Variants in ITIH5 observed in about 807,000 individuals in gnomAD.
The protein encoded by ITIH5 is inter-alpha-trypsin inhibitor heavy chain H5.
A neutral mutation model predicts 77.5 loss-of-function variants in ITIH5; 65 were observed. The ratio of observed to expected loss-of-function variants is 0.84; its 90% confidence interval spans 0.69 to 1.03. The LOEUF is 1.03. ITIH5 is among the 50% of genes least tolerant of loss of function. The pLI, the probability that ITIH5 is intolerant of heterozygous loss-of-function variation, is 0.00. For synonymous variants in ITIH5, 525 were observed against 494.3 expected (o/e 1.06, Z -0.82); for missense variants, 1,208 against 1,213.1 (o/e 1.00, Z 0.06).
chr10:7,665,636 G>A (rs1394001994), intron 1 of ITIH5, among the ~76,000 whole-genome samples: 1 of 152,174 alleles, frequency 6.6e-6, no homozygotes, highest in East Asian at 1.9e-4. Context: ...CTGTATACCA[G>A]GTGCTTAACA....
In ITIH5 at chr10:7,597,816, A is replaced by AT. The variant is rs546793512; in HGVS notation, c.940-11748dup. ...AAAAACTTATTCTATAAAAGGTAAT[A>AT]TAAACTTATGTTACATTCTGCAGGT... On this transcript the variant is annotated intron_variant, in intron 7 of 13. Coordinates refer to ENST00000397146, the MANE Select transcript of ITIH5 (RefSeq NM_030569.7). Among the ~76,000 whole-genome samples the AT allele has an allele frequency of 2.6e-4, 39 of 152,368 alleles. No individual in the cohort carries two copies. The South Asian group carries it at 7.2e-3, about 28-fold the overall frequency.
intron 5 of ITIH5, chr10:7,618,591 A>G (rs1393988287): frequency 6.6e-6 from 1 of 152,218 alleles, no homozygotes; most frequent in East Asian, 1.9e-4. Flanking sequence ...ATTCTTAATC[A>G]TAAGGGCATG....
Position 7,582,983 on chromosome 10 carries a change from T to C in ITIH5, c.1108+2918A>G, listed in dbSNP as rs1049426050. Among the ~76,000 whole-genome samples the C allele has an allele frequency of 2.0e-5, 3 of 152,212 alleles. No homozygotes were observed. The East Asian group carries it at 5.8e-4, about 29-fold the overall frequency. On this transcript the variant is annotated intron_variant, in intron 8 of 13. Coordinates refer to ENST00000397146, the MANE Select transcript of ITIH5 (RefSeq NM_030569.7). The stretch of plus-strand genomic sequence containing the variant: ...ATTTCATGATACACTTAAAAATAAC[T>C]GAGTATAATTGGATTGTTTGTAACA...
At chr10:7,576,193 A>T (rs960322222) in intron 10 of ITIH5, among the ~76,000 whole-genome samples, 3 of 150,670 alleles carry the variant, frequency 2.0e-5, no homozygotes, top group Admixed American at 6.6e-5. Context: ...TAGATAATTA[A>T]TTTTTTTTTC....
chr10:7,570,004 C>T (rs1216523326), intron 11 of ITIH5: 1 of 450,970 alleles, frequency 2.2e-6, no homozygotes, highest in Non-Finnish European at 3.9e-6. Flanking sequence ...GACTTCAGGT[C>T]TTCTAAATTC....
intron 5 of ITIH5, among the ~76,000 whole-genome samples, chr10:7,634,088 C>CAAAA (rs752092484): frequency 0.2 from 12,090 of 59,768 alleles, 1,093 homozygotes; most frequent in Non-Finnish European, 0.28. Context: ...GACTCCGTCT[C>CAAAA]AAAAAAAAAA....
chr10:7,642,126 G>C (rs767289412), intron 2 of ITIH5, 36 bp from the exon 3 acceptor site: 4 of 1,537,352 alleles, frequency 2.6e-6, no homozygotes, highest in Non-Finnish European at 3.5e-6. Context: ...CATCGGTGAT[G>C]CATGAAAGCA....
At chr10:7,593,258 C>T (rs562263981) in intron 7 of ITIH5, among the ~76,000 whole-genome samples, 8 of 152,020 alleles carry the variant, frequency 5.3e-5, no homozygotes, top group Admixed American at 6.5e-5. Flanking sequence ...AGGCACCTCC[C>T]GGTGGCTCCA....
At position 7,576,693 on chromosome 10, in the gene ITIH5, G is replaced by A; in HGVS notation, c.1738C>T (p.Leu580Phe). The change falls in exon 10 of 14, where the codon CTC (leucine) becomes TTC (phenylalanine). Residue 580 changes from leucine to phenylalanine, a missense_variant. Leu to Phe is a conservative substitution (Grantham distance 22). Coordinates refer to ENST00000397146, the MANE Select transcript of ITIH5 (RefSeq NM_030569.7). ...GAGCTCAGCAGCTCCTTTGTGGTGA[G>A]GTAGCTCCAGAGACGCTCGATGTGG... ...TNHIERLWSY[L>F]TTKELLSSWL... The A allele has an allele frequency of 6.2e-7, 1 of 1,614,152 alleles. No individual in the cohort carries two copies. Among genetic ancestry groups the A allele is most frequent in the Non-Finnish European group, 8.5e-7 (1 of 1,180,026 alleles).
intron 4 of ITIH5, among the ~76,000 whole-genome samples, chr10:7,640,044 T>A (rs141481191): frequency 0.011 from 1,677 of 150,374 alleles, 12 homozygotes; most frequent in Non-Finnish European, 0.017. Context: ...ATTTGCTAAA[T>A]ACCCTTTCTT....
chr10:7,650,892 A>G (rs1273712056), intron 2 of ITIH5, among the ~76,000 whole-genome samples: 1 of 152,164 alleles, frequency 6.6e-6, no homozygotes, highest in Non-Finnish European at 1.5e-5. Flanking sequence ...GTGCTAATAC[A>G]GTCTACGTAG....
rs527851781 is a variant in ITIH5 at position 7,604,898 on chromosome 10, T to C, written c.939+11084A>G. ...GTGCAGTGGTGTGATCATGGCTCACTGCAACCTCTGCCTCCCGGGTTCAAG... is the reference window on the plus strand; with the variant it reads ...GTGCAGTGGTGTGATCATGGCTCACCGCAACCTCTGCCTCCCGGGTTCAAG... On this transcript the variant is annotated intron_variant, in intron 7 of 13. Coordinates refer to ENST00000397146, the MANE Select transcript of ITIH5 (RefSeq NM_030569.7). 1.1e-4 allele frequency among the ~76,000 whole-genome samples: 16 copies of C among 152,282 alleles called. No homozygotes were observed. The East Asian group carries it at 1.4e-3, about 13-fold the overall frequency.
At chr10:7,568,349 A>C (rs1284237816) in intron 12 of ITIH5, among the ~76,000 whole-genome samples, 1 of 152,224 alleles carries the variant, frequency 6.6e-6, no homozygotes, top group African/African-American at 2.4e-5. Flanking sequence ...AAATCCCAGC[A>C]TGAGAAGAGC....
intron 5 of ITIH5, chr10:7,621,711 A>G (rs1833476985): frequency 6.6e-6 from 1 of 152,102 alleles, no homozygotes; most frequent in South Asian, 2.1e-4. Context: ...AAATCTGTTA[A>G]GTAGGTTCAT....
intron 2 of ITIH5, among the ~76,000 whole-genome samples, chr10:7,652,839 G>A (rs374491346): frequency 1.3e-5 from 2 of 151,642 alleles, no homozygotes; most frequent in African/African-American, 4.8e-5. Flanking sequence ...AAAGGTCTCT[G>A]ATAAATTGAC....
At position 7,621,216 on chromosome 10, in the gene ITIH5, AATTAG is replaced by A. The variant is rs1308703299; in HGVS notation, c.653-3939_653-3935del. 6 of 152,344 alleles carry A rather than the reference AATTAG, an allele frequency of 3.9e-5. No individual in the cohort carries two copies. In the East Asian group the frequency reaches 1.2e-3, roughly 29 times the overall value. The allele number at this position is 152,344 out of a possible 1,614,324, so 9.4% of individuals were successfully genotyped here. On this transcript the variant is annotated intron_variant, in intron 5 of 13. Transcript: ENST00000397146. ...TAGATTATCTCTAAGATTCTACAAT[AATTAG>A]ATTAGACTCTCTTTATGCTGCCAGC... is the stretch of plus-strand genomic sequence containing the variant.
chr10:7,617,151 A>T lies in ITIH5; in HGVS notation c.784T>A (p.Tyr262Asn), dbSNP rs1367822945. ...NGILGDFIIR[Y>N]DVNREQSIGD... ...ATGCTCTGTTCTCTATTGACGTCAT[A>T]TCTAATGATAAAGTCTCCCAAAATT... is the stretch of plus-strand genomic sequence containing the variant. The change falls in exon 6 of 14, where the codon TAT (tyrosine) becomes AAT (asparagine). Residue 262 changes from tyrosine to asparagine, a missense_variant. Tyr to Asn is a moderately radical substitution (Grantham distance 143). Coordinates refer to ENST00000397146, the MANE Select transcript of ITIH5 (RefSeq NM_030569.7). The T allele has an allele frequency of 6.2e-7, 1 of 1,602,820 alleles. No individual in the cohort carries two copies. The highest frequency in any genetic ancestry group is 8.5e-7 in the Non-Finnish European group (1 of 1,176,396).
intron 7 of ITIH5, among the ~76,000 whole-genome samples, chr10:7,594,859 G>C (rs536208462): frequency 1.0e-3 from 156 of 152,252 alleles, no homozygotes; most frequent in African/African-American, 3.6e-3. Flanking sequence ...CCTGTGCCTA[G>C]GGGATAAACA....
At chr10:7,606,387 CGTG>C (rs1052839545) in intron 7 of ITIH5, among the ~76,000 whole-genome samples, 1 of 152,108 alleles carries the variant, frequency 6.6e-6, no homozygotes, top group African/African-American at 2.4e-5. Context: ...ATAAAGAAAA[CGTG>C]GTACAAATAT....
Sources: gnomAD v4.1 joint callset for allele counts (sites outside exome capture counted in the v4.1 genomes callset) on GRCh38, gnomAD v4.1.1 for gene constraint, MANE v1.5 for transcripts, NCBI Gene and HGNC (gene_info 2026-07-23, HGNC 2026-07-21) for gene names.